Variants in GALNTL6 observed in about 807,000 individuals in gnomAD.
GALNTL6 encodes polypeptide N-acetylgalactosaminyltransferase like 6, also known as polypeptide N-acetylgalactosaminyltransferase-like 6.
A neutral mutation model predicts 73.7 loss-of-function variants in GALNTL6; 46 were observed. That is an observed-to-expected ratio of 0.62 (90% CI 0.49 to 0.80). The LOEUF is 0.80. Among genes scored for constraint, GALNTL6 ranks in the 30% least tolerant of loss-of-function variants. The probability of loss-of-function intolerance (pLI) is 0.00; values close to 1 mark genes in which losing one functional copy is unlikely to be tolerated. For missense variants in GALNTL6, 604 were observed against 755.0 expected (o/e 0.80, Z 2.34); for synonymous variants, 259 against 263.7 (o/e 0.98, Z 0.17).
At chr4:172,324,368 A>T (rs1302083605) in intron 4 of GALNTL6, among the ~76,000 whole-genome samples, 1 of 151,912 alleles carries the variant, frequency 6.6e-6, no homozygotes, top group Non-Finnish European at 1.5e-5. Flanking sequence ...ATTACTTTAA[A>T]AGGAAAAAAG....
chr4:172,776,916 G>A lies in GALNTL6; in HGVS notation c.554-32445G>A, dbSNP rs529508211. On this transcript the variant is annotated intron_variant, in intron 5 of 12. Transcript: ENST00000506823. Reference sequence around the variant, plus strand: ...ATTATATATTATATATTTGTGCTACGCATTTCTACTATAGTGGATTGGGAT... The same window carrying A: ...ATTATATATTATATATTTGTGCTACACATTTCTACTATAGTGGATTGGGAT... 2.2e-4 allele frequency among the ~76,000 whole-genome samples: 34 copies of A among 152,130 alleles called. 1 individual carries two copies. The South Asian group carries it at 5.4e-3, about 24-fold the overall frequency.
chr4:171,854,002 A>G (rs1200834783), intron 2 of GALNTL6, among the ~76,000 whole-genome samples: 1 of 152,196 alleles, frequency 6.6e-6, no homozygotes, highest in Non-Finnish European at 1.5e-5. Flanking sequence ...AAACTAAGAA[A>G]TAAGAGTTAT....
chr4:172,814,696 C>T lies in GALNTL6; in HGVS notation c.923+973C>T, dbSNP rs116735753. ...TTTGCAGTAAAGAAGCTACTGAGTACGAAAACCACTTCCTTGACACTAACA... is the reference window on the plus strand; with the variant it reads ...TTTGCAGTAAAGAAGCTACTGAGTATGAAAACCACTTCCTTGACACTAACA... On this transcript the variant is annotated intron_variant, in intron 7 of 12. Coordinates refer to ENST00000506823, the MANE Select transcript of GALNTL6 (RefSeq NM_001034845.3). Among the ~76,000 whole-genome samples the T allele has an allele frequency of 6.8e-3, 1,033 of 152,076 alleles. 8 individuals are homozygous for T. Among genetic ancestry groups the T allele is most frequent in the African/African-American group, 0.022 (932 of 41,468 alleles).
chr4:171,957,842 T>C (rs1294119127), intron 2 of GALNTL6, among the ~76,000 whole-genome samples: 1 of 152,148 alleles, frequency 6.6e-6, no homozygotes, highest in Non-Finnish European at 1.5e-5. Context: ...CTCGTGAGTA[T>C]GCTAACATAT....
chr4:172,531,785 T>A (rs1340596957), intron 5 of GALNTL6, among the ~76,000 whole-genome samples: 1 of 152,064 alleles, frequency 6.6e-6, no homozygotes, highest in African/African-American at 2.4e-5. Context: ...GGCTCAGCAG[T>A]AGTTGCTGGG....
chr4:171,954,626 G>A (rs995364297), intron 2 of GALNTL6, among the ~76,000 whole-genome samples: 2 of 152,146 alleles, frequency 1.3e-5, no homozygotes, highest in African/African-American at 4.8e-5. Context: ...AAAATAATCT[G>A]AATAAGTATT....
intron 3 of GALNTL6, among the ~76,000 whole-genome samples, chr4:172,234,576 T>C (rs1437700173): frequency 6.6e-6 from 1 of 152,182 alleles, no homozygotes; most frequent in African/African-American, 2.4e-5. Flanking sequence ...TTTATTAACA[T>C]AGATAAATGT....
At chr4:172,810,864 T>G (rs1000622158) in intron 6 of GALNTL6, among the ~76,000 whole-genome samples, 16 of 152,134 alleles carry the variant, frequency 1.1e-4, no homozygotes, top group Non-Finnish European at 4.4e-5. Context: ...TATATGGTGT[T>G]GAATACTCAA....
intron 2 of GALNTL6, among the ~76,000 whole-genome samples, chr4:171,827,737 A>G (rs745918531): frequency 2.6e-4 from 39 of 152,262 alleles, no homozygotes; most frequent in Non-Finnish European, 3.7e-4. Flanking sequence ...TCCAGCATTC[A>G]AGCTGAAAGG....
At chr4:172,086,608 A>C (rs1732041759) in intron 2 of GALNTL6, among the ~76,000 whole-genome samples, 1 of 152,172 alleles carries the variant, frequency 6.6e-6, no homozygotes, top group Non-Finnish European at 1.5e-5. Flanking sequence ...CATGATTTAT[A>C]CCTCAATAGT....
chr4:172,569,959 T>C (rs543427517), intron 5 of GALNTL6, among the ~76,000 whole-genome samples: 2 of 152,296 alleles, frequency 1.3e-5, no homozygotes, highest in South Asian at 2.1e-4. Context: ...GTGAATAATA[T>C]AGTACCAGGA....
At chr4:171,876,886 C>T (rs951837775) in intron 2 of GALNTL6, among the ~76,000 whole-genome samples, 1 of 152,118 alleles carries the variant, frequency 6.6e-6, no homozygotes, top group Non-Finnish European at 1.5e-5. Context: ...AAATTTCAAC[C>T]ACGTTTGGGT....
chr4:172,104,077 G>A (rs1187697831), intron 2 of GALNTL6, among the ~76,000 whole-genome samples: 2 of 151,786 alleles, frequency 1.3e-5, no homozygotes, highest in Non-Finnish European at 2.9e-5. Flanking sequence ...CCGAGTAGCT[G>A]GGACTACAGG....
intron 2 of GALNTL6, among the ~76,000 whole-genome samples, chr4:172,162,280 A>C (rs1277348976): frequency 6.6e-6 from 1 of 151,732 alleles, no homozygotes; most frequent in Non-Finnish European, 1.5e-5. Flanking sequence ...AAAACTGAAG[A>C]GCCAAGTGGT....
At chr4:172,316,786 A>C (rs1034565860) in intron 4 of GALNTL6, among the ~76,000 whole-genome samples, 1 of 152,226 alleles carries the variant, frequency 6.6e-6, no homozygotes, top group Non-Finnish European at 1.5e-5. Context: ...ATTATACTCA[A>C]GACTGAAGTC....
intron 2 of GALNTL6, among the ~76,000 whole-genome samples, chr4:171,980,097 C>T (rs1739852516): frequency 6.6e-6 from 1 of 152,030 alleles, no homozygotes; most frequent in Non-Finnish European, 1.5e-5. Flanking sequence ...TTTATTTCCT[C>T]AAATGCATAA....
At chr4:172,736,967 A>G (rs11933868) in intron 5 of GALNTL6, among the ~76,000 whole-genome samples, 22,230 of 152,088 alleles carry the variant, frequency 0.15, 1,887 homozygotes, top group East Asian at 0.25. Context: ...TCCTCTTTCC[A>G]CCATGATTGT....
At chr4:172,233,232 G>A (rs1409822407) in intron 3 of GALNTL6, among the ~76,000 whole-genome samples, 2 of 150,378 alleles carry the variant, frequency 1.3e-5, no homozygotes, top group African/African-American at 2.4e-5. Flanking sequence ...AAATTCATCC[G>A]GGCATGGTGA....
chr4:172,938,530 C>G (rs1440481886), intron 9 of GALNTL6, among the ~76,000 whole-genome samples: 1 of 152,208 alleles, frequency 6.6e-6, no homozygotes, highest in Non-Finnish European at 1.5e-5. Context: ...AAAATAAAAT[C>G]ACCAACAAGG....
Sources: gnomAD v4.1 joint callset for allele counts (sites outside exome capture counted in the v4.1 genomes callset) on GRCh38, gnomAD v4.1.1 for gene constraint, MANE v1.5 for transcripts, NCBI Gene and HGNC (gene_info 2026-07-23, HGNC 2026-07-21) for gene names.